TRPC4: variants seen among roughly 807,000 people sequenced by gnomAD.
TRPC4 encodes transient receptor potential cation channel subfamily C member 4.
TRPC4 carries 49 observed loss-of-function variants against 99.4 expected under a neutral mutation model. The observed-to-expected ratio is 0.49, with a 90% CI of 0.39 to 0.63. The LOEUF is 0.63. Ranked by LOEUF, TRPC4 falls within the 20% of genes least tolerant of loss-of-function variation. The probability of loss-of-function intolerance (pLI) is 0.00; values close to 1 mark genes in which losing one functional copy is unlikely to be tolerated. For missense variants in TRPC4, 898 were observed against 1,152.9 expected (o/e 0.78, Z 3.20); for synonymous variants, 454 against 425.9 (o/e 1.07, Z -0.81).
intron 4 of TRPC4, among the ~76,000 whole-genome samples, chr13:37,679,870 G>A (rs1953178577): frequency 6.6e-6 from 1 of 152,140 alleles, no homozygotes; most frequent in Admixed American, 6.5e-5. Context: ...GAGCTGGTGG[G>A]AAACTTAGAA....
intron 3 of TRPC4, among the ~76,000 whole-genome samples, chr13:37,722,414 G>A (rs186583960): frequency 2.6e-5 from 4 of 152,218 alleles, no homozygotes; most frequent in Non-Finnish European, 5.9e-5. Context: ...GATGTAATCA[G>A]AGCATTCAAA....
chr13:37,844,626 G>A (rs924003618), intron 1 of TRPC4, among the ~76,000 whole-genome samples: 4 of 152,032 alleles, frequency 2.6e-5, no homozygotes, highest in Non-Finnish European at 5.9e-5. Flanking sequence ...TGAATCCCTA[G>A]CCAGCTTTTC....
At chr13:37,805,209 TTC>T (rs1157923304) in intron 1 of TRPC4, among the ~76,000 whole-genome samples, 2 of 152,102 alleles carry the variant, frequency 1.3e-5, no homozygotes, top group African/African-American at 4.8e-5. Flanking sequence ...GAGGAATACT[TTC>T]TGTTTTACAG....
rs560637390 is a variant in TRPC4, at chr13:37,702,720, G to A, written c.898-10385C>T. On this transcript the variant is annotated intron_variant, in intron 3 of 10. Coordinates refer to ENST00000379705, the MANE Select transcript of TRPC4 (RefSeq NM_016179.4). ...AAGAGAAAAATATCAATAACCTTAT[G>A]AAATGAGGGGACCCTACACATAGGC... Among the ~76,000 whole-genome samples the A allele has an allele frequency of 1.1e-4, 16 of 152,194 alleles. 1 individual carries two copies. The highest frequency in any genetic ancestry group is 2.4e-4 in the Non-Finnish European group (16 of 68,006).
chr13:37,759,574 T>TAA (rs1956174466), intron 2 of TRPC4, among the ~76,000 whole-genome samples: 1 of 151,908 alleles, frequency 6.6e-6, no homozygotes, highest in African/African-American at 2.4e-5. Context: ...TCAACAGTTA[T>TAA]AAGCAGATAT....
At chr13:37,646,106 T>C (rs1951854759) in intron 8 of TRPC4, among the ~76,000 whole-genome samples, 2 of 152,374 alleles carry the variant, frequency 1.3e-5, no homozygotes, top group Non-Finnish European at 2.9e-5. Flanking sequence ...TCTTTAGTGA[T>C]GATAGCTGTT....
In TRPC4 at chr13:37,742,994, T is replaced by G. The variant is rs951252166; in HGVS notation, c.897+2943A>C. On this transcript the variant is annotated intron_variant, in intron 3 of 10. Coordinates refer to ENST00000379705, the MANE Select transcript of TRPC4 (RefSeq NM_016179.4). ...TCTTCAATCAGAGAAAAATATTCTC[T>G]TTGATAGTAAATGCAAGATACTCCA... 3.9e-5 allele frequency among the ~76,000 whole-genome samples: 6 copies of G among 152,180 alleles called. No homozygotes were observed. The East Asian group carries it at 9.6e-4, about 24-fold the overall frequency.
At chr13:37,663,230 G>T (rs1417637495) in intron 6 of TRPC4, among the ~76,000 whole-genome samples, 186 bp downstream of exon 6, 2 of 152,126 alleles carry the variant, frequency 1.3e-5, no homozygotes. Context: ...AATGTGTCAG[G>T]TATTCTTTTT....
chr13:37,753,569 G>GAGAGAGAGAA (rs1555267200), intron 2 of TRPC4, among the ~76,000 whole-genome samples: 2 of 32,970 alleles, frequency 6.1e-5, no homozygotes, highest in African/African-American at 1.0e-4. Flanking sequence ...AAGAGAGAGA[G>GAGAGAGAGAA]AGAGAAAGAG....
intron 1 of TRPC4, among the ~76,000 whole-genome samples, chr13:37,839,174 A>G (rs9548068): frequency 0.012 from 1,886 of 152,280 alleles, 23 homozygotes; most frequent in Non-Finnish European, 0.021. Flanking sequence ...ATTTCTACCA[A>G]CAGGATGCCT....
At chr13:37,850,224 C>G (rs1288923663) in intron 1 of TRPC4, among the ~76,000 whole-genome samples, 1 of 152,132 alleles carries the variant, frequency 6.6e-6, no homozygotes, top group African/African-American at 2.4e-5. Flanking sequence ...GGGGATTACT[C>G]AGAAAACCAT....
intron 1 of TRPC4, among the ~76,000 whole-genome samples, chr13:37,817,050 G>A (rs1957875719): frequency 1.3e-5 from 2 of 151,982 alleles, no homozygotes; most frequent in African/African-American, 4.8e-5. Flanking sequence ...AGAAATAAAA[G>A]GCATCCAAAT....
chr13:37,807,062 C>T (rs1240600770), intron 1 of TRPC4, among the ~76,000 whole-genome samples: 1 of 152,054 alleles, frequency 6.6e-6, no homozygotes, highest in Admixed American at 6.6e-5. Context: ...AAAATGATTT[C>T]TGGGGCATCT....
chr13:37,700,347 AT>A (rs902513074), intron 3 of TRPC4, among the ~76,000 whole-genome samples: 9 of 152,192 alleles, frequency 5.9e-5, no homozygotes, highest in African/African-American at 2.2e-4. Flanking sequence ...CTGGCCTTCC[AT>A]GAATGGGCTG....
At chr13:37,854,000 A>G (rs1050141066) in intron 1 of TRPC4, among the ~76,000 whole-genome samples, 4 of 152,116 alleles carry the variant, frequency 2.6e-5, no homozygotes, top group African/African-American at 9.7e-5. Flanking sequence ...AGAGATAGGG[A>G]TAGAAAGTAT....
rs1469918163 is a variant in TRPC4 at position 37,633,715 on chromosome 13, A to C, written c.*3188T>G. On this transcript the variant is annotated 3_prime_UTR_variant, in exon 11 of 11. Coordinates refer to ENST00000379705, the MANE Select transcript of TRPC4 (RefSeq NM_016179.4). Reference sequence around the variant, plus strand: ...ATGTTTTTGCATTAGTTTAATTGCCATCCAGTAAATAGAGTAACTAATTTA... The same window carrying C: ...ATGTTTTTGCATTAGTTTAATTGCCCTCCAGTAAATAGAGTAACTAATTTA... 6.6e-6 allele frequency among the ~76,000 whole-genome samples: 1 copy of C among 152,150 alleles called. No individual in the cohort carries two copies. The highest frequency in any genetic ancestry group is 1.5e-5 in the Non-Finnish European group (1 of 67,998).
Position 37,664,707 on chromosome 13 carries a change from C to A in TRPC4, c.1375-978G>T, listed in dbSNP as rs115596550. Reference sequence around the variant, plus strand: ...CACATCACTGAAAAATATATCTAGACAACCAAGATGTTTTTCCAATGAAAA... The same window carrying A: ...CACATCACTGAAAAATATATCTAGAAAACCAAGATGTTTTTCCAATGAAAA... On this transcript the variant is annotated intron_variant, in intron 5 of 10. Transcript: ENST00000379705. Among the ~76,000 whole-genome samples the A allele has an allele frequency of 4.1e-3, 619 of 152,252 alleles. 7 individuals are homozygous for A. The highest frequency in any genetic ancestry group is 0.014 in the African/African-American group (570 of 41,540).
chr13:37,854,533 C>T (rs1234409588), intron 1 of TRPC4, among the ~76,000 whole-genome samples: 1 of 151,828 alleles, frequency 6.6e-6, no homozygotes, highest in Non-Finnish European at 1.5e-5. Context: ...ACACAGAATA[C>T]CATAACACTG....
At chr13:37,834,010 T>G (rs1404561822) in intron 1 of TRPC4, among the ~76,000 whole-genome samples, 1 of 152,224 alleles carries the variant, frequency 6.6e-6, no homozygotes, top group Non-Finnish European at 1.5e-5. Context: ...TAATATTTTT[T>G]ATTCATTGGA....
Sources: allele counts gnomAD v4.1 joint callset (sites outside exome capture counted in the v4.1 genomes callset), GRCh38; gene constraint gnomAD v4.1.1; transcripts MANE v1.5; gene names NCBI Gene and HGNC (gene_info 2026-07-23, HGNC 2026-07-21).